The following AEBP1 variants were observed in gnomAD, a reference collection of about 807,000 sequenced individuals.
AEBP1 encodes AE binding protein 1.
Under a neutral mutation model 116.5 loss-of-function variants are expected in AEBP1, and 69 were observed. That is an observed-to-expected ratio of 0.59 (90% CI 0.49 to 0.72). AEBP1 has a LOEUF of 0.72. Ranked by LOEUF, AEBP1 falls within the 30% of genes least tolerant of loss-of-function variation. AEBP1 has a pLI of 0.00. For synonymous variants in AEBP1, 627 were observed against 627.3 expected, an observed-to-expected ratio of 1.00 and a Z score of 0.01; for missense variants, 1,444 against 1,557.5, an observed-to-expected ratio of 0.93 and a Z score of 1.23.
intron 11 of AEBP1, among the ~76,000 whole-genome samples, 180 bp from the exon 12 acceptor site, chr7:44,110,545 T>C (rs1413173395): frequency 3.9e-5 from 6 of 152,218 alleles, no homozygotes. Flanking sequence ...GCACATGAGT[T>C]TAGGGACAGA....
chr7:44,112,244 G>A lies in AEBP1; in HGVS notation c.2140G>A (p.Glu714Lys), dbSNP rs1330142614. 1 of 1,606,584 alleles carries A rather than the reference G, an allele frequency of 6.2e-7. No individual in the cohort carries two copies. Among genetic ancestry groups the A allele is most frequent in the Admixed American group, 1.7e-5 (1 of 59,534 alleles). The change falls in exon 17 of 21, where the codon GAG becomes AAG. Residue 714 changes from glutamate to lysine, a missense_variant. By Grantham distance (56) the Glu-to-Lys change is moderately conservative (BLOSUM62 1). Coordinates refer to ENST00000223357, the MANE Select transcript of AEBP1 (RefSeq NM_001129.5). This position sits in a 1 kb window ranked among gnomAD's most constrained non-coding sequence, Gnocchi z 6.6. ...CAACTCTGTGCTCTGGGGAGCTGAG[G>A]AGAGGAAATGGGTCCCCTACCGGGT... ...DLNSVLWGAE[E>K]RKWVPYRVPN...
At position 44,113,192 on chromosome 7, in the gene AEBP1, G is replaced by A; in HGVS notation, c.2710-60G>A. ...TGCACAGGCTCCTGGATGGGCGGGA[G>A]GGAGCAGCGGACCACATTGGACCTT... On this transcript the variant is annotated intron_variant, in intron 19 of 20. Coordinates refer to ENST00000223357, the MANE Select transcript of AEBP1 (RefSeq NM_001129.5). This position sits in a 1 kb window ranked among gnomAD's most constrained non-coding sequence, Gnocchi z 5.3. The A allele has an allele frequency of 6.2e-7, 1 of 1,613,162 alleles. No individual in the cohort carries two copies. The highest frequency in any genetic ancestry group is 8.5e-7 in the Non-Finnish European group (1 of 1,179,444).
rs2096220733 is a variant in AEBP1, at chr7:44,104,431, C to G, written c.-235C>G. On this transcript the variant is annotated 5_prime_UTR_variant, in exon 1 of 21. Coordinates refer to ENST00000223357, the MANE Select transcript of AEBP1 (RefSeq NM_001129.5). ...TAGCCGCCAGGACCTCGGAGCGCCC[C>G]GACCACCCCTGAGCCCCTCTGGCTT... 8.1e-6 allele frequency: 3 copies of G among 369,182 alleles called. No individual in the cohort carries two copies. Among genetic ancestry groups the G allele is most frequent in the Non-Finnish European group, 1.4e-5 (3 of 208,186 alleles). The allele number at this position is 369,182 out of a possible 1,614,324, so 22.9% of individuals were successfully genotyped here.
Position 44,107,605 on chromosome 7 carries a change from C to T in AEBP1, c.668-24C>T, listed in dbSNP as rs368244699. 2.2e-4 allele frequency: 356 copies of T among 1,613,572 alleles called. 1 individual carries two copies. Among genetic ancestry groups the T allele is most frequent in the Non-Finnish European group, 2.7e-4 (317 of 1,179,954 alleles). On this transcript the variant is annotated intron_variant, in intron 3 of 20. Coordinates refer to ENST00000223357, the MANE Select transcript of AEBP1 (RefSeq NM_001129.5). This position sits in a 1 kb window ranked among gnomAD's most constrained non-coding sequence, Gnocchi z 4.3. The stretch of plus-strand genomic sequence containing the variant: ...AGTAGGCCTGGGTGGGGTTGTCAGG[C>T]AGCTACCAGCGCTTTCCCCTCAGAG...
chr7:44,113,126 A>T lies in AEBP1; in HGVS notation c.2705A>T (p.Glu902Val). 4.3e-6 allele frequency: 7 copies of T among 1,613,840 alleles called. No homozygotes were observed. The highest frequency in any genetic ancestry group is 5.9e-6 in the Non-Finnish European group (7 of 1,179,938). ...NNKEALLTFMEQVHRGIKGVV... is the reference protein window; with the variant it reads ...NNKEALLTFMVQVHRGIKGVV... ...AAGGAGGCGCTGCTCACCTTCATGG[A>T]GCAGGTGGGGTGGCTAGGGCAATGC... is the stretch of plus-strand genomic sequence containing the variant. Residue 902 changes from glutamate (E) to valine (V), a missense_variant, in exon 19 of 21, where the codon GAG (glutamate) becomes GTG (valine). By Grantham distance (121) the Glu-to-Val change is moderately radical (BLOSUM62 -2). Transcript: ENST00000223357. The surrounding 1 kb of genome is among the most constrained non-coding windows in gnomAD (Gnocchi z 5.3).
At position 44,107,580 on chromosome 7, in the gene AEBP1, A is replaced by G. The variant is rs376465080; in HGVS notation, c.668-49A>G. ...CTGGTTGGACTGAGGGCTTCCCCAG[A>G]GTAGGCCTGGGTGGGGTTGTCAGGC... is the stretch of plus-strand genomic sequence containing the variant. On this transcript the variant is annotated intron_variant, in intron 3 of 20. Transcript: ENST00000223357. This position sits in a 1 kb window ranked among gnomAD's most constrained non-coding sequence, Gnocchi z 4.3. 1.9e-6 allele frequency: 3 copies of G among 1,613,136 alleles called. No homozygotes were observed. In the African/African-American group the frequency reaches 4.0e-5, roughly 22 times the overall value.
chr7:44,112,939 G>A lies in AEBP1; in HGVS notation c.2569+30G>A, dbSNP rs755853476. The stretch of plus-strand genomic sequence containing the variant: ...GTCAGCCTGGGAGGGGCTGTGGGCG[G>A]GGCCTGGTCCGGAGAGGGGCTGACT... On this transcript the variant is annotated intron_variant, in intron 18 of 20. Transcript: ENST00000223357. This position sits in a 1 kb window ranked among gnomAD's most constrained non-coding sequence, Gnocchi z 6.6. 9 of 1,612,672 alleles carry A rather than the reference G, an allele frequency of 5.6e-6. No homozygotes were observed. The South Asian group carries it at 6.6e-5, about 12-fold the overall frequency.
chr7:44,106,862 C>G lies in AEBP1; in HGVS notation c.570C>G (p.Gly190=). The G allele has an allele frequency of 6.3e-7, 1 of 1,590,890 alleles. No homozygotes were observed. Residue 190 remains glycine, a synonymous_variant, in exon 2 of 21, where the codon GGC becomes GGG. Transcript: ENST00000223357. The stretch of plus-strand genomic sequence containing the variant: ...CACTGCCCCCACCCCCCAGCCCTGG[C>G]CCCGAGGAGCTACCCCAGGAGGGAG... ...EWPLPPPPSP[G]PEELPQEGGA...
Position 44,113,854 on chromosome 7 carries a change from C to G in AEBP1, c.3070C>G (p.Gln1024Glu). The part of the protein sequence containing the change: ...QQRRLQQRRL[Q>E]HRLRLRAQMR... ...GCGACGCCTGCAGCAGCGACGCCTA[C>G]AACACCGCCTGCGGCTTCGGGCACA... Residue 1024 changes from glutamine to glutamate, a missense_variant, in exon 21 of 21, where the codon CAA becomes GAA. By Grantham distance (29) the Gln-to-Glu change is conservative (BLOSUM62 2). Transcript: ENST00000223357. The surrounding 1 kb of genome is among the most constrained non-coding windows in gnomAD (Gnocchi z 5.3). The G allele has an allele frequency of 6.2e-7, 1 of 1,613,892 alleles. No homozygotes were observed. The highest frequency in any genetic ancestry group is 8.5e-7 in the Non-Finnish European group (1 of 1,180,008).
chr7:44,107,467 T>A lies in AEBP1; in HGVS notation c.624T>A (p.Asn208Lys), dbSNP rs757278170. 2 of 1,613,212 alleles carry A rather than the reference T, an allele frequency of 1.2e-6. No individual in the cohort carries two copies. Among genetic ancestry groups the A allele is most frequent in the East Asian group, 2.2e-5 (1 of 44,866 alleles). Residue 208 changes from asparagine to lysine, a missense_variant, in exon 3 of 21, where the codon AAT (asparagine) becomes AAA (lysine). Physicochemically the swap from Asn to Lys is moderately conservative, Grantham distance 94. Transcript: ENST00000223357. The surrounding 1 kb of genome is among the most constrained non-coding windows in gnomAD (Gnocchi z 4.3). ...CGCCCCTCTCAAATAACTGGCAGAATCCAGGAGAGGAGACCCATGTGGAGG... is the reference window on the plus strand; with the variant it reads ...CGCCCCTCTCAAATAACTGGCAGAAACCAGGAGAGGAGACCCATGTGGAGG... ...GGAPLSNNWQ[N>K]PGEETHVEAR...
chr7:44,110,578 C>T lies in AEBP1; in HGVS notation c.1401-147C>T, dbSNP rs117622853. On this transcript the variant is annotated intron_variant, in intron 11 of 20. Transcript: ENST00000223357. ...AGATCACCTGCCCATGGCTATGTGACGGGCATAGGACCCAGGCTCAACACC... is the reference window on the plus strand; with the variant it reads ...AGATCACCTGCCCATGGCTATGTGATGGGCATAGGACCCAGGCTCAACACC... 8.6e-4 allele frequency: 823 copies of T among 954,850 alleles called. 3 individuals carry two copies. The South Asian group carries it at 9.5e-3, about 11-fold the overall frequency. The allele number at this position is 954,850 out of a possible 1,614,324, so 59.1% of individuals were successfully genotyped here. A position where few individuals can be genotyped will look rare whatever the true frequency, so the allele number is the denominator to read the frequency against.
At position 44,113,284 on chromosome 7, in the gene AEBP1, C is replaced by A. The variant is rs1266582295; in HGVS notation, c.2742C>A (p.Asp914Glu). The A allele has an allele frequency of 3.1e-6, 5 of 1,613,658 alleles. No individual in the cohort carries two copies. Among genetic ancestry groups the A allele is most frequent in the Non-Finnish European group, 4.2e-6 (5 of 1,179,880 alleles). ...GCGGCATTAAGGGGGTGGTGACGGA[C>A]GAGCAAGGCATCCCCATTGCCAACG... ...VHRGIKGVVT[D>E]EQGIPIANAT... Residue 914 changes from aspartate (D) to glutamate (E), a missense_variant, in exon 20 of 21, where the codon GAC (aspartate) becomes GAA (glutamate). By Grantham distance (45) the Asp-to-Glu change is conservative (BLOSUM62 2). Coordinates refer to ENST00000223357, the MANE Select transcript of AEBP1 (RefSeq NM_001129.5). This position sits in a 1 kb window ranked among gnomAD's most constrained non-coding sequence, Gnocchi z 5.3.
Position 44,112,376 on chromosome 7 carries a change from C to T in AEBP1, c.2217+55C>T. The T allele has an allele frequency of 3.3e-6, 5 of 1,506,844 alleles. No homozygotes were observed. Among genetic ancestry groups the T allele is most frequent in the Admixed American group, 2.3e-5 (1 of 44,244 alleles). The allele number at this position is 1,506,844 out of a possible 1,614,324, so 93.3% of individuals were successfully genotyped here. A position where few individuals can be genotyped will look rare whatever the true frequency, so the allele number is the denominator to read the frequency against. Reference sequence around the variant, plus strand: ...GAGGGAGCAGCTGGACCCTGGGGTCCTGGTGTTCTGGGCTTGGGGGTGGGG... The same window carrying T: ...GAGGGAGCAGCTGGACCCTGGGGTCTTGGTGTTCTGGGCTTGGGGGTGGGG... On this transcript the variant is annotated intron_variant, in intron 17 of 20. Transcript: ENST00000223357. The surrounding 1 kb of genome is among the most constrained non-coding windows in gnomAD (Gnocchi z 6.6).
In AEBP1 at chr7:44,110,006, C is replaced by T. The variant is rs371375766; in HGVS notation, c.1151-9C>T. ...TAGTGAGCCACCATTCTGGGGTACG[C>T]GTCCTCAGAGTGTCCCCCCATTGGG... is the stretch of plus-strand genomic sequence containing the variant. On this transcript the variant is annotated splice_polypyrimidine_tract_variant and intron_variant, in intron 9 of 20. Coordinates refer to ENST00000223357, the MANE Select transcript of AEBP1 (RefSeq NM_001129.5). 3.1e-4 allele frequency: 505 copies of T among 1,609,836 alleles called. 2 individuals carry two copies. In the African/African-American group the frequency reaches 4.7e-3, roughly 15 times the overall value.
chr7:44,110,431 G>A (rs1183161484), intron 11 of AEBP1, 85 bp downstream of exon 11: 1 of 1,585,330 alleles, frequency 6.3e-7, no homozygotes, highest in East Asian at 2.2e-5. Flanking sequence ...GATTCCAGTG[G>A]GCCCTTCTTT....
rs1187731083 is a variant in AEBP1, at chr7:44,113,649, C to T, written c.2865C>T (p.Ala955=). 6.2e-7 allele frequency: 1 copy of T among 1,613,728 alleles called. No homozygotes were observed. The highest frequency in any genetic ancestry group is 1.7e-5 in the Admixed American group (1 of 60,008). The part of the protein sequence containing the change: ...ILNPGEYRVT[A]HAEGYTPSAK... ...ACCCGGGTGAGTACCGCGTGACAGC[C>T]CACGCGGAGGGCTACACCCCGAGCG... The change falls in exon 21 of 21, where the codon GCC becomes GCT. Residue 955 remains alanine, a synonymous_variant. Transcript: ENST00000223357. This position sits in a 1 kb window ranked among gnomAD's most constrained non-coding sequence, Gnocchi z 5.3.
Position 44,104,575 on chromosome 7 carries a change from C to T in AEBP1, c.-91C>T, listed in dbSNP as rs1203159041. Reference sequence around the variant, plus strand: ...TCCCGCCCCTTCCTGGATTCCCTCACCCGTCTCGATCCCCTCTCCGCCCTT... The same window carrying T: ...TCCCGCCCCTTCCTGGATTCCCTCATCCGTCTCGATCCCCTCTCCGCCCTT... On this transcript the variant is annotated 5_prime_UTR_variant, in exon 1 of 21. Coordinates refer to ENST00000223357, the MANE Select transcript of AEBP1 (RefSeq NM_001129.5). 1.2e-6 allele frequency: 1 copy of T among 840,908 alleles called. No individual in the cohort carries two copies. Among genetic ancestry groups the T allele is most frequent in the African/African-American group, 1.8e-5 (1 of 54,816 alleles). The allele number at this position is 840,908 out of a possible 1,614,324, so 52.1% of individuals were successfully genotyped here. A position where few individuals can be genotyped will look rare whatever the true frequency, so the allele number is the denominator to read the frequency against.
In AEBP1 at chr7:44,112,846, G is replaced by A. The variant is rs2096231184; in HGVS notation, c.2506G>A (p.Ala836Thr). The change falls in exon 18 of 21, where the codon GCC becomes ACC. Residue 836 changes from alanine (A) to threonine (T), a missense_variant. Physicochemically the swap from Ala to Thr is moderately conservative, Grantham distance 58 (BLOSUM62 0). Coordinates refer to ENST00000223357, the MANE Select transcript of AEBP1 (RefSeq NM_001129.5). This position sits in a 1 kb window ranked among gnomAD's most constrained non-coding sequence, Gnocchi z 6.6. Reference sequence around the variant, plus strand: ...CGAGCCCTACCGCGGAGGCTGCCAAGCCCAGGACTACACCGGCGGCATGGG... The same window carrying A: ...CGAGCCCTACCGCGGAGGCTGCCAAACCCAGGACTACACCGGCGGCATGGG... ...LTEPYRGGCQ[A>T]QDYTGGMGIV... is the part of the protein sequence containing the mutation. 8.1e-6 allele frequency: 13 copies of A among 1,612,692 alleles called. No homozygotes were observed. Among genetic ancestry groups the A allele is most frequent in the Non-Finnish European group, 1.1e-5 (13 of 1,179,944 alleles).
rs769492722 is a variant in AEBP1, at chr7:44,107,762, G to A, written c.740-47G>A. ...CCCTGGCCTGGGGGATGTGCCAATG[G>A]GCCCATCCCAGCCTTGGGCCCCACT... On this transcript the variant is annotated intron_variant, in intron 4 of 20. Coordinates refer to ENST00000223357, the MANE Select transcript of AEBP1 (RefSeq NM_001129.5). This position sits in a 1 kb window ranked among gnomAD's most constrained non-coding sequence, Gnocchi z 4.3. 9 of 1,612,866 alleles carry A rather than the reference G, an allele frequency of 5.6e-6. No individual in the cohort carries two copies. Among genetic ancestry groups the A allele is most frequent in the Admixed American group, 5.0e-5 (3 of 59,978 alleles).
Sources: allele counts gnomAD v4.1 joint callset (sites outside exome capture counted in the v4.1 genomes callset), GRCh38; gene constraint gnomAD v4.1.1; non-coding constraint Gnocchi (gnomAD v3.1); transcripts MANE v1.5; gene names NCBI Gene and HGNC (gene_info 2026-07-23, HGNC 2026-07-21).